Variants in GLIS3 observed in about 807,000 individuals in gnomAD.
The protein encoded by GLIS3 is zinc finger protein GLIS3.
Under a neutral mutation model 78.6 loss-of-function variants are expected in GLIS3, and 53 were observed. That is an observed-to-expected ratio of 0.67 (90% confidence interval 0.54 to 0.85). The LOEUF (loss-of-function observed/expected upper bound fraction) is 0.85. Among genes scored for constraint, GLIS3 ranks in the 40% least tolerant of loss-of-function variants. The pLI, the probability that GLIS3 is intolerant of heterozygous loss-of-function variation, is 0.00. For missense variants in GLIS3, 1,703 were observed against 1,231.1 expected, an observed-to-expected ratio of 1.38 and a Z score of -5.74; for synonymous variants, 684 against 509.9, an observed-to-expected ratio of 1.34 and a Z score of -4.60.
At chr9:3,965,127 C>G (rs1023420034) in intron 4 of GLIS3, among the ~76,000 whole-genome samples, 3 of 151,204 alleles carry the variant, frequency 2.0e-5, no homozygotes, top group African/African-American at 7.3e-5. Flanking sequence ...TAAATGCACA[C>G]AGGAGGCTGT....
intron 2 of GLIS3, among the ~76,000 whole-genome samples, chr9:4,240,750 G>A (rs1184292217): frequency 1.3e-5 from 2 of 152,048 alleles, no homozygotes; most frequent in African/African-American, 2.4e-5. Flanking sequence ...AAACAAAAAT[G>A]GATACTAGGC....
chr9:4,359,777 A>T, the GLIS3 span, among the ~76,000 whole-genome samples: 16 of 152,180 alleles, frequency 1.1e-4, no homozygotes, highest in Non-Finnish European at 1.8e-4. Flanking sequence ...AGAGGTACAC[A>T]CTGCCCCGGT....
At chr9:4,167,733 C>G (rs1036162928) in intron 2 of GLIS3, among the ~76,000 whole-genome samples, 11 of 152,332 alleles carry the variant, frequency 7.2e-5, no homozygotes, top group Non-Finnish European at 1.5e-4. Flanking sequence ...GTTCCTTTCA[C>G]TGAACTTTCA....
chr9:4,328,601 A>G (rs1404256966), intron 2 of GLIS3, among the ~76,000 whole-genome samples: 2 of 152,232 alleles, frequency 1.3e-5, no homozygotes, highest in Non-Finnish European at 2.9e-5. Flanking sequence ...CTTCTGAACC[A>G]AATCATGATT....
chr9:4,152,361 C>G (rs1242095202), intron 2 of GLIS3, among the ~76,000 whole-genome samples: 2 of 152,162 alleles, frequency 1.3e-5, no homozygotes, highest in African/African-American at 4.8e-5. Context: ...ATTCCCAACT[C>G]TATAACATCT....
intron 4 of GLIS3, among the ~76,000 whole-genome samples, chr9:4,015,458 T>A (rs572421132): frequency 2.6e-5 from 4 of 152,344 alleles, no homozygotes; most frequent in South Asian, 2.1e-4. Flanking sequence ...CAGAACTATG[T>A]CTACCCTAGA....
intron 8 of GLIS3, among the ~76,000 whole-genome samples, chr9:3,867,401 A>T (rs1820657889): frequency 1.3e-5 from 2 of 152,230 alleles, no homozygotes. Flanking sequence ...TTAGTGAGAG[A>T]AGAAAGTTCA....
intron 2 of GLIS3, among the ~76,000 whole-genome samples, chr9:4,232,864 C>T (rs1024210237): frequency 6.6e-6 from 1 of 152,134 alleles, no homozygotes. Context: ...TTAAAAATAC[C>T]CAGGGAACTT....
intron 7 of GLIS3, among the ~76,000 whole-genome samples, chr9:3,886,809 T>C (rs980175675): frequency 7.2e-5 from 11 of 152,228 alleles, no homozygotes; most frequent in African/African-American, 2.7e-4. Context: ...GAAAATGCCC[T>C]GTCAGGGTCA....
At chr9:4,402,014 C>A in the GLIS3 span, among the ~76,000 whole-genome samples, 1 of 152,140 alleles carries the variant, frequency 6.6e-6, no homozygotes, top group Admixed American at 6.5e-5. Flanking sequence ...TTGCTCCAAT[C>A]CCTGGCTCCC....
the GLIS3 span, among the ~76,000 whole-genome samples, chr9:4,470,419 C>T: frequency 6.6e-6 from 1 of 152,190 alleles, no homozygotes; most frequent in Non-Finnish European, 1.5e-5. Flanking sequence ...ATCAAGTTGG[C>T]TTCATCCCTA....
chr9:3,956,233 C>G (rs984379192), intron 4 of GLIS3, among the ~76,000 whole-genome samples: 8 of 151,788 alleles, frequency 5.3e-5, no homozygotes, highest in African/African-American at 1.7e-4. Flanking sequence ...AGTTCCAAGA[C>G]ACAGCAATGC....
At chr9:4,160,564 G>A (rs1314488693) in intron 2 of GLIS3, among the ~76,000 whole-genome samples, 2 of 152,192 alleles carry the variant, frequency 1.3e-5, no homozygotes, top group African/African-American at 4.8e-5. Context: ...TCTTCACTCT[G>A]AGCTTTTCTG....
At chr9:4,378,859 C>T in the GLIS3 span, among the ~76,000 whole-genome samples, 8 of 152,192 alleles carry the variant, frequency 5.3e-5, no homozygotes, top group African/African-American at 1.9e-4. Context: ...GGAATCTGGG[C>T]ATGGCCGACC....
At chr9:4,128,018 C>T (rs1436396920) in intron 2 of GLIS3, among the ~76,000 whole-genome samples, 1 of 152,182 alleles carries the variant, frequency 6.6e-6, no homozygotes, top group Non-Finnish European at 1.5e-5. Context: ...AACTGCCAGT[C>T]CAACTAGTGC....
chr9:4,457,240 A>G, the GLIS3 span, among the ~76,000 whole-genome samples: 1 of 152,098 alleles, frequency 6.6e-6, no homozygotes, highest in Non-Finnish European at 1.5e-5. Flanking sequence ...ACACACTTGT[A>G]GTCCCAGCTA....
chr9:4,346,556 C>T (rs1412994808), intron 2 of GLIS3, among the ~76,000 whole-genome samples: 1 of 152,154 alleles, frequency 6.6e-6, no homozygotes, highest in African/African-American at 2.4e-5. Context: ...AAATGTCAAT[C>T]AACTGATAGA....
chr9:4,321,088 T>A (rs1443847483), intron 2 of GLIS3, among the ~76,000 whole-genome samples: 1 of 150,932 alleles, frequency 6.6e-6, no homozygotes, highest in Non-Finnish European at 1.5e-5. Flanking sequence ...ATCCTGCTAA[T>A]TTTTAAGTCC....
the GLIS3 span, among the ~76,000 whole-genome samples, chr9:4,429,855 C>T: frequency 2.6e-5 from 4 of 152,042 alleles, no homozygotes; most frequent in Non-Finnish European, 2.9e-5. Context: ...GAAACTAAAG[C>T]GGGTTTTTCA....
Sources: gnomAD v4.1 joint callset for allele counts (sites outside exome capture counted in the v4.1 genomes callset) on GRCh38, gnomAD v4.1.1 for gene constraint, MANE v1.5 for transcripts, NCBI Gene and HGNC (gene_info 2026-07-23, HGNC 2026-07-21) for gene names.